The following DYNC1I2 variants were observed in gnomAD, a reference collection of about 807,000 sequenced individuals.
DYNC1I2 encodes dynein cytoplasmic 1 intermediate chain 2.
Under a neutral mutation model 88.6 loss-of-function variants are expected in DYNC1I2, and 53 were observed. The ratio of observed to expected loss-of-function variants is 0.60; its 90% CI spans 0.48 to 0.75. The LOEUF is 0.75. Ranked by LOEUF, DYNC1I2 falls within the 30% of genes least tolerant of loss-of-function variation. DYNC1I2 has a pLI of 0.00. For missense variants in DYNC1I2, 458 were observed against 766.6 expected (o/e 0.60, Z 4.75); for synonymous variants, 198 against 254.6 (o/e 0.78, Z 2.12).
At chr2:171,714,878 C>T (rs1053610870) in intron 6 of DYNC1I2, among the ~76,000 whole-genome samples, 1 of 152,152 alleles carries the variant, frequency 6.6e-6, no homozygotes, top group South Asian at 2.1e-4. Flanking sequence ...CAACAGAAAC[C>T]TGTTTTTCAG....
chr2:171,692,685 A>C (rs546496827), intron 2 of DYNC1I2, 92 bp from the exon 3 acceptor site: 1 of 798,316 alleles, frequency 1.3e-6, no homozygotes, highest in South Asian at 2.0e-5. Context: ...ATGCCTTAAA[A>C]GTATACAGTG....
chr2:171,737,638 C>T (rs1689103336), intron 15 of DYNC1I2, among the ~76,000 whole-genome samples: 1 of 152,150 alleles, frequency 6.6e-6, no homozygotes, highest in Admixed American at 6.5e-5. Context: ...AGGCTGGTCT[C>T]AAACTCCTGG....
At chr2:171,747,730 G>T (rs776812156) in intron 17 of DYNC1I2, 46 bp from the exon 18 acceptor site, 3 of 1,341,528 alleles carry the variant, frequency 2.2e-6, no homozygotes, top group South Asian at 2.6e-5. Flanking sequence ...TGGGTAAAAT[G>T]ATCTTTTATT....
intron 2 of DYNC1I2, among the ~76,000 whole-genome samples, chr2:171,692,448 T>C (rs1559360346): frequency 1.3e-5 from 2 of 152,176 alleles, no homozygotes; most frequent in African/African-American, 4.8e-5. Flanking sequence ...GGAAGTTGTC[T>C]ATTATTCCTG....
chr2:171,732,255 C>T (rs569113762), intron 15 of DYNC1I2, among the ~76,000 whole-genome samples: 155 of 152,060 alleles, frequency 1.0e-3, no homozygotes, highest in African/African-American at 3.4e-3. Context: ...CCTAGCTACT[C>T]GGGAGGCTGA....
At chr2:171,734,024 G>A (rs925800531) in intron 15 of DYNC1I2, among the ~76,000 whole-genome samples, 2 of 152,120 alleles carry the variant, frequency 1.3e-5, no homozygotes, top group Admixed American at 6.6e-5. Flanking sequence ...TGGCTAGCCA[G>A]TTCTCCCAGC....
At chr2:171,742,057 C>T (rs1230353582) in intron 15 of DYNC1I2, among the ~76,000 whole-genome samples, 3 of 137,780 alleles carry the variant, frequency 2.2e-5, no homozygotes, top group African/African-American at 5.2e-5. Context: ...CAGAGCGAGA[C>T]GCGGTCTCAG....
At chr2:171,741,138 G>A (rs1689398597) in intron 15 of DYNC1I2, among the ~76,000 whole-genome samples, 1 of 152,084 alleles carries the variant, frequency 6.6e-6, no homozygotes, top group South Asian at 2.1e-4. Flanking sequence ...TTGTATCAAT[G>A]TATTGTTCCT....
intron 2 of DYNC1I2, among the ~76,000 whole-genome samples, chr2:171,692,135 CT>C (rs1337143136): frequency 6.6e-6 from 1 of 152,090 alleles, no homozygotes; most frequent in Non-Finnish European, 1.5e-5. Context: ...CTTGAGAAGT[CT>C]TGGATGATCT....
intron 6 of DYNC1I2, 124 bp from the exon 7 acceptor site, chr2:171,715,204 A>G (rs923714138): frequency 8.9e-6 from 5 of 563,088 alleles, no homozygotes; most frequent in South Asian, 3.7e-5. Context: ...TTAATCTAAA[A>G]TTTCTTGAAT....
At chr2:171,704,953 G>T (rs1353794069) in intron 3 of DYNC1I2, among the ~76,000 whole-genome samples, 1 of 151,854 alleles carries the variant, frequency 6.6e-6, no homozygotes, top group Non-Finnish European at 1.5e-5. Flanking sequence ...ATTTATTATT[G>T]CAAAATGTAG....
intron 12 of DYNC1I2, 53 bp downstream of exon 12, chr2:171,728,020 T>C: frequency 6.3e-7 from 1 of 1,579,472 alleles, no homozygotes; most frequent in Admixed American, 1.8e-5. Context: ...CATCCTTAGC[T>C]ATAATACTTA....
chr2:171,710,812 C>G (rs1687067297), intron 5 of DYNC1I2, among the ~76,000 whole-genome samples: 1 of 151,304 alleles, frequency 6.6e-6, no homozygotes, highest in Admixed American at 6.6e-5. Flanking sequence ...AAGCAACTCT[C>G]CTGCCTCAGT....
chr2:171,718,467 T>C (rs1687670115), intron 7 of DYNC1I2, among the ~76,000 whole-genome samples: 1 of 151,996 alleles, frequency 6.6e-6, no homozygotes, highest in South Asian at 2.1e-4. Context: ...AGAGTCTCGC[T>C]CTGTGGCCCA....
chr2:171,735,226 A>G (rs529444194), intron 15 of DYNC1I2, among the ~76,000 whole-genome samples: 2 of 152,340 alleles, frequency 1.3e-5, no homozygotes, highest in East Asian at 1.9e-4. Context: ...AAAGCAATCT[A>G]CTTCTACAGC....
intron 15 of DYNC1I2, among the ~76,000 whole-genome samples, chr2:171,737,688 G>A (rs530863739): frequency 6.6e-6 from 1 of 152,210 alleles, no homozygotes; most frequent in South Asian, 2.1e-4. Flanking sequence ...CAAAGTGGTT[G>A]GGTTATAGTG....
intron 12 of DYNC1I2, among the ~76,000 whole-genome samples, 168 bp from the exon 13 acceptor site, chr2:171,728,137 G>A (rs1260977621): frequency 6.6e-6 from 1 of 151,406 alleles, no homozygotes; most frequent in East Asian, 1.9e-4. Flanking sequence ...AGATTTATTA[G>A]AAACTCATCT....
At chr2:171,719,260 T>TG (rs1169455552) in intron 7 of DYNC1I2, among the ~76,000 whole-genome samples, 1 of 152,122 alleles carries the variant, frequency 6.6e-6, no homozygotes, top group Non-Finnish European at 1.5e-5. Context: ...CAGTATCCTT[T>TG]GGGGGAAAAA....
intron 1 of DYNC1I2, chr2:171,688,060 C>T (rs1229531561): frequency 1.3e-5 from 2 of 152,330 alleles, no homozygotes; most frequent in Non-Finnish European, 2.9e-5. Flanking sequence ...CTTCTCGACC[C>T]TCCAGAGGCG....
Sources: gnomAD v4.1 joint callset for allele counts (sites outside exome capture counted in the v4.1 genomes callset) on GRCh38, gnomAD v4.1.1 for gene constraint, MANE v1.5 for transcripts, NCBI Gene and HGNC (gene_info 2026-07-23, HGNC 2026-07-21) for gene names.